The following ABCA13 variants were observed in gnomAD, a reference collection of about 807,000 sequenced individuals.
The protein encoded by ABCA13 is ATP-binding cassette sub-family A member 13.
Under a neutral mutation model 478.7 loss-of-function variants are expected in ABCA13, and 476 were observed. The ratio of observed to expected loss-of-function variants is 0.99; its 90% CI spans 0.92 to 1.07. The LOEUF (loss-of-function observed/expected upper bound fraction) is 1.07. Ranked by LOEUF, ABCA13 falls within the 50% of genes least tolerant of loss-of-function variation. The pLI is 0.00. For synonymous variants in ABCA13, 2,252 were observed against 2,158.9 expected (o/e 1.04, Z -1.20); for missense variants, 6,060 against 5,910.6 (o/e 1.03, Z -0.83).
intron 23 of ABCA13, among the ~76,000 whole-genome samples, chr7:48,302,175 T>G (rs954009764): frequency 1.3e-5 from 2 of 152,228 alleles, no homozygotes; most frequent in African/African-American, 4.8e-5. Flanking sequence ...TGCTTCAATT[T>G]GTTACAAATT....
At chr7:48,390,071 GT>G (rs1017990544) in intron 37 of ABCA13, among the ~76,000 whole-genome samples, 78 of 152,026 alleles carry the variant, frequency 5.1e-4, no homozygotes, top group African/African-American at 1.8e-3. Context: ...GCGTGTGAGT[GT>G]TTTTTTTAGT....
At chr7:48,641,229 C>T (rs1412351008) in intron 59 of ABCA13, among the ~76,000 whole-genome samples, 1 of 152,176 alleles carries the variant, frequency 6.6e-6, no homozygotes, top group African/African-American at 2.4e-5. Flanking sequence ...TAAGAACATA[C>T]AGCCATCTCT....
intron 55 of ABCA13, among the ~76,000 whole-genome samples, chr7:48,574,480 G>A (rs891244655): frequency 4.6e-5 from 7 of 152,070 alleles, no homozygotes; most frequent in Non-Finnish European, 1.0e-4. Context: ...TTACTTTTTA[G>A]ATTCTTAGAT....
At chr7:48,261,833 G>T (rs986133392) in intron 15 of ABCA13, among the ~76,000 whole-genome samples, 1 of 151,678 alleles carries the variant, frequency 6.6e-6, no homozygotes. Context: ...ATTCTAGGCT[G>T]TTCATTCATA....
Position 48,483,141 on chromosome 7 carries a change from C to A in ABCA13, c.13160C>A (p.Ser4387Ter). 1 of 1,613,048 alleles carries A rather than the reference C, an allele frequency of 6.2e-7. No individual in the cohort carries two copies. The highest frequency in any genetic ancestry group is 8.5e-7 in the Non-Finnish European group (1 of 1,179,520). ...SEAGGANGNI[S>*]KPPTLAKVWY... The stretch of plus-strand genomic sequence containing the variant: ...GCTGGAGGTGCAAATGGAAACATAT[C>A]AAAACCCCCAACTCTGGCAAAGGTA... Residue 4387 changes from serine (S) to a stop codon, truncating the protein, a stop_gained, in exon 47 of 62, where the codon TCA (serine) becomes TAA (stop). Coordinates refer to ENST00000435803, the MANE Select transcript of ABCA13 (RefSeq NM_152701.5). LOFTEE classifies it high-confidence loss of function.
At chr7:48,540,694 C>T (rs1329030522) in intron 55 of ABCA13, among the ~76,000 whole-genome samples, 2 of 152,002 alleles carry the variant, frequency 1.3e-5, no homozygotes, top group South Asian at 2.1e-4. Context: ...AAACAGGGCT[C>T]TTTTACTTTC....
At chr7:48,596,415 A>G (rs919763244) in intron 58 of ABCA13, among the ~76,000 whole-genome samples, 2 of 152,166 alleles carry the variant, frequency 1.3e-5, no homozygotes, top group South Asian at 4.1e-4. Flanking sequence ...GAATTCTATG[A>G]TTCTTTAGTA....
intron 8 of ABCA13, among the ~76,000 whole-genome samples, chr7:48,237,882 G>A (rs1177558312): frequency 6.6e-6 from 1 of 152,210 alleles, no homozygotes; most frequent in African/African-American, 2.4e-5. Flanking sequence ...GTGAGCATCT[G>A]AGTGGGGACT....
intron 53 of ABCA13, 98 bp downstream of exon 53, chr7:48,520,392 C>G: frequency 2.9e-6 from 4 of 1,368,280 alleles, no homozygotes; most frequent in Non-Finnish European, 3.9e-6. Context: ...AAAATTATAT[C>G]TGATCAGCAT....
intron 27 of ABCA13, among the ~76,000 whole-genome samples, chr7:48,327,786 A>G (rs891999622): frequency 2.6e-5 from 4 of 152,150 alleles, no homozygotes; most frequent in Admixed American, 6.5e-5. Context: ...TACCTAATTT[A>G]CCTCATTTTA....
At chr7:48,424,818 T>A (rs1048582433) in intron 41 of ABCA13, among the ~76,000 whole-genome samples, 5 of 152,196 alleles carry the variant, frequency 3.3e-5, no homozygotes, top group Non-Finnish European at 7.3e-5. Flanking sequence ...CCATCAAGAC[T>A]CCAAATCTTT....
intron 27 of ABCA13, among the ~76,000 whole-genome samples, chr7:48,319,510 C>T (rs558212122): frequency 9.2e-5 from 14 of 152,186 alleles, no homozygotes; most frequent in African/African-American, 3.4e-4. Flanking sequence ...TTGGGCTATG[C>T]GAAGCAATAT....
intron 48 of ABCA13, among the ~76,000 whole-genome samples, chr7:48,498,254 AT>A (rs1158132540): frequency 6.6e-6 from 1 of 152,124 alleles, no homozygotes; most frequent in African/African-American, 2.4e-5. Context: ...TAAGGCAGAT[AT>A]TGCTAAAAAG....
intron 55 of ABCA13, among the ~76,000 whole-genome samples, chr7:48,561,580 A>G (rs1786460629): frequency 6.6e-6 from 1 of 152,068 alleles, no homozygotes; most frequent in Non-Finnish European, 1.5e-5. Context: ...TAATTAGATT[A>G]TTGGTTTTCT....
chr7:48,199,593 A>C (rs1028153102), intron 3 of ABCA13, among the ~76,000 whole-genome samples: 2 of 152,222 alleles, frequency 1.3e-5, no homozygotes. Flanking sequence ...TTCAGGTCAT[A>C]GTAGGTGCTT....
chr7:48,377,387 C>G (rs1373387423), intron 35 of ABCA13, among the ~76,000 whole-genome samples: 1 of 152,036 alleles, frequency 6.6e-6, no homozygotes, highest in African/African-American at 2.4e-5. Context: ...CTTGGCAACT[C>G]TGGTTCTATG....
At chr7:48,175,340 A>T (rs36135079) in intron 1 of ABCA13, among the ~76,000 whole-genome samples, 79,859 of 151,752 alleles carry the variant, frequency 0.53, 21,300 homozygotes, top group Admixed American at 0.63. Context: ...AATGAGTATA[A>T]CTGTTATGTC....
intron 10 of ABCA13, among the ~76,000 whole-genome samples, chr7:48,243,786 T>C (rs1253932012): frequency 6.6e-6 from 1 of 152,210 alleles, no homozygotes; most frequent in Non-Finnish European, 1.5e-5. Context: ...CTCCAGCCAG[T>C]GGAACATTTT....
chr7:48,206,897 T>C (rs1785003043), intron 3 of ABCA13, among the ~76,000 whole-genome samples: 1 of 152,074 alleles, frequency 6.6e-6, no homozygotes, highest in Non-Finnish European at 1.5e-5. Context: ...CTACTCAACA[T>C]TACATCCAAC....
Sources: gnomAD v4.1 joint callset for allele counts (sites outside exome capture counted in the v4.1 genomes callset) on GRCh38, gnomAD v4.1.1 for gene constraint, MANE v1.5 for transcripts, NCBI Gene and HGNC (gene_info 2026-07-23, HGNC 2026-07-21) for gene names.